Variants in PLK3 observed in about 807,000 individuals in gnomAD.
The protein encoded by PLK3 is polo like kinase 3, also known as serine/threonine-protein kinase PLK3.
In PLK3, 41 loss-of-function variants were observed where a neutral mutation model predicts 71.6. The observed-to-expected ratio is 0.57, with a 90% CI of 0.45 to 0.74. The LOEUF is 0.74. Among genes scored for constraint, PLK3 ranks in the 30% least tolerant of loss-of-function variants. PLK3 has a pLI of 0.00. For missense variants in PLK3, 791 were observed against 875.6 expected, an observed-to-expected ratio of 0.90 and a Z score of 1.22; for synonymous variants, 366 against 355.4, an observed-to-expected ratio of 1.03 and a Z score of -0.33.
rs1232188514 is a variant in PLK3, at chr1:44,804,010, C to G, written c.1244C>G (p.Ala415Gly). Residue 415 changes from alanine to glycine, a missense_variant, in exon 10 of 15, where the codon GCA (alanine) becomes GGA (glycine). Coordinates refer to ENST00000372201, the MANE Select transcript of PLK3 (RefSeq NM_004073.4). ...GACAGCTCACCCCGTGGGACACTGG[C>G]AAGCAGTGGAGATGGTGAGGAGCCA... is the stretch of plus-strand genomic sequence containing the variant. Reference protein sequence around the residue: ...PEDSSPRGTLASSGDGFEEGL... With the variant: ...PEDSSPRGTLGSSGDGFEEGL... The G allele has an allele frequency of 1.9e-6, 3 of 1,553,956 alleles. No individual in the cohort carries two copies. In the African/African-American group the frequency reaches 4.1e-5, roughly 21 times the overall value.
Position 44,800,984 on chromosome 1 carries a change from G to A in PLK3, c.318+37G>A. Reference sequence around the variant, plus strand: ...CTCAGCGGGCGAGGGGTGGGGTGGGGACGGTGGCATGGGAACCATGGAAGG... The same window carrying A: ...CTCAGCGGGCGAGGGGTGGGGTGGGAACGGTGGCATGGGAACCATGGAAGG... On this transcript the variant is annotated intron_variant, in intron 2 of 14. Coordinates refer to ENST00000372201, the MANE Select transcript of PLK3 (RefSeq NM_004073.4). The surrounding 1 kb of genome is among the most constrained non-coding windows in gnomAD (Gnocchi z 6.5). 2 of 1,608,426 alleles carry A rather than the reference G, an allele frequency of 1.2e-6. No homozygotes were observed. The highest frequency in any genetic ancestry group is 1.7e-6 in the Non-Finnish European group (2 of 1,175,302).
chr1:44,803,279 C>G lies in PLK3; in HGVS notation c.960C>G (p.Pro320=). The G allele has an allele frequency of 6.2e-7, 1 of 1,614,104 alleles. No individual in the cohort carries two copies. The highest frequency in any genetic ancestry group is 8.5e-7 in the Non-Finnish European group (1 of 1,179,998). The change falls in exon 8 of 15, where the codon CCC becomes CCG. Residue 320 remains proline, a synonymous_variant. Coordinates refer to ENST00000372201, the MANE Select transcript of PLK3 (RefSeq NM_004073.4). This position sits in a 1 kb window ranked among gnomAD's most constrained non-coding sequence, Gnocchi z 4.3. ...GTTCCCCTCCCTAGGGCTACACCCC[C>G]GATCGACTCCCTATCAGCAGCTGCG... ...RHDFFTKGYT[P]DRLPISSCVT... is the part of the protein sequence containing the mutation.
chr1:44,803,112 C>G lies in PLK3; in HGVS notation c.907C>G (p.Pro303Ala), dbSNP rs750697602. The G allele has an allele frequency of 1.2e-6, 2 of 1,613,948 alleles. No individual in the cohort carries two copies. The highest frequency in any genetic ancestry group is 2.2e-5 in the East Asian group (1 of 44,886). ...AILRASPRDR[P>A]SIDQILRHDF... ...CCTTCGGGCCTCACCCCGAGACCGC[C>G]CCTCTATTGACCAGATCCTGCGCCA... The change falls in exon 7 of 15, where the codon CCC becomes GCC. Residue 303 changes from proline to alanine, a missense_variant. By Grantham distance (27) the Pro-to-Ala change is conservative. Coordinates refer to ENST00000372201, the MANE Select transcript of PLK3 (RefSeq NM_004073.4). This position sits in a 1 kb window ranked among gnomAD's most constrained non-coding sequence, Gnocchi z 4.3.
chr1:44,800,638 G>T lies in PLK3; in HGVS notation c.175G>T (p.Gly59Cys). ...PGRLITDPRS[G>C]RTYLKGRLLG... ...GCGCCTCATCACGGACCCGCGCAGC[G>T]GCCGCACCTACCTCAAAGGCCGCTT... is the stretch of plus-strand genomic sequence containing the variant. Residue 59 changes from glycine to cysteine, a missense_variant, in exon 1 of 15, where the codon GGC (glycine) becomes TGC (cysteine). Transcript: ENST00000372201. The surrounding 1 kb of genome is among the most constrained non-coding windows in gnomAD (Gnocchi z 6.5). The T allele has an allele frequency of 6.5e-7, 1 of 1,544,154 alleles. No homozygotes were observed. The highest frequency in any genetic ancestry group is 1.4e-5 in the African/African-American group (1 of 73,108).
In PLK3 at chr1:44,800,405, G is replaced by T; in HGVS notation, c.-59G>T. ...GCGTAGCAAATCCAGGCAGCGCCACGCGCGGCCGGGGCCGGGCGGAACCGA... is the reference window on the plus strand; with the variant it reads ...GCGTAGCAAATCCAGGCAGCGCCACTCGCGGCCGGGGCCGGGCGGAACCGA... On this transcript the variant is annotated 5_prime_UTR_variant, in exon 1 of 15. Coordinates refer to ENST00000372201, the MANE Select transcript of PLK3 (RefSeq NM_004073.4). This position sits in a 1 kb window ranked among gnomAD's most constrained non-coding sequence, Gnocchi z 6.5. The T allele has an allele frequency of 8.0e-7, 1 of 1,245,748 alleles. No homozygotes were observed. The highest frequency in any genetic ancestry group is 1.0e-6 in the Non-Finnish European group (1 of 996,284). 77.2% of individuals were successfully genotyped at this position (1,245,748 alleles called of 1,614,324 possible). A position where few individuals can be genotyped will look rare whatever the true frequency, so the allele number is the denominator to read the frequency against.
Position 44,800,566 on chromosome 1 carries a change from G to A in PLK3, c.103G>A (p.Gly35Arg), listed in dbSNP as rs1651793195. The part of the protein sequence containing the change: ...GPGPPPSALR[G>R]PELEMLAGLP... The stretch of plus-strand genomic sequence containing the variant: ...CGGGCCGCCTCCGAGTGCCTTGCGC[G>A]GACCTGAGCTGGAGATGCTGGCCGG... The change falls in exon 1 of 15, where the codon GGA becomes AGA. Residue 35 changes from glycine (G) to arginine (R), a missense_variant. Coordinates refer to ENST00000372201, the MANE Select transcript of PLK3 (RefSeq NM_004073.4). The surrounding 1 kb of genome is among the most constrained non-coding windows in gnomAD (Gnocchi z 6.5). 2 of 1,521,710 alleles carry A rather than the reference G, an allele frequency of 1.3e-6. No individual in the cohort carries two copies. Among genetic ancestry groups the A allele is most frequent in the African/African-American group, 2.8e-5 (2 of 70,348 alleles). The allele number at this position is 1,521,710 out of a possible 1,614,324, so 94.3% of individuals were successfully genotyped here.
chr1:44,804,105 G>A, intron 10 of PLK3, 58 bp from the exon 11 acceptor site: 3 of 1,549,604 alleles, frequency 1.9e-6, no homozygotes, highest in Non-Finnish European at 2.7e-6. Flanking sequence ...TGGGCAGAGG[G>A]GCCTGGCCTG....
intron 3 of PLK3, 88 bp from the exon 4 acceptor site, chr1:44,801,534 T>C: frequency 7.1e-7 from 1 of 1,413,806 alleles, no homozygotes; most frequent in Admixed American, 1.9e-5. Context: ...GACCCAAAGC[T>C]GGGGCCCTGT....
At position 44,800,526 on chromosome 1, in the gene PLK3, TC is replaced by T. The variant is rs1323970641; in HGVS notation, c.68del (p.Pro23ArgfsTer86). The T allele has an allele frequency of 2.1e-6, 3 of 1,454,986 alleles. No individual in the cohort carries two copies. Among genetic ancestry groups the T allele is most frequent in the South Asian group, 1.3e-5 (1 of 75,346 alleles). The allele number at this position is 1,454,986 out of a possible 1,614,324, so 90.1% of individuals were successfully genotyped here. On this transcript the variant is annotated frameshift_variant, in exon 1 of 15. Transcript: ENST00000372201. LOFTEE classifies it high-confidence loss of function. This position sits in a 1 kb window ranked among gnomAD's most constrained non-coding sequence, Gnocchi z 6.5. ...PFQRAAAAPA[P>X]PAGPGPPPSA... is the part of the protein sequence containing the mutation. ...TCCAGCGTGCGGCCGCCGCGCCCGC[TC>T]CCCCGGCCGGGCCCGGGCCGCCTCC... is the stretch of plus-strand genomic sequence containing the variant.
At position 44,801,746 on chromosome 1, in the gene PLK3, A is replaced by G. The variant is rs1398848844; in HGVS notation, c.560A>G (p.Lys187Arg). 7.4e-7 allele frequency: 1 copy of G among 1,359,880 alleles called. No homozygotes were observed. The allele number at this position is 1,359,880 out of a possible 1,614,324, so 84.2% of individuals were successfully genotyped here. The change falls in exon 4 of 15, where the codon AAG (lysine) becomes AGG (arginine). Residue 187 changes from lysine (K) to arginine (R), a missense_variant. Lys to Arg is a conservative substitution (Grantham distance 26). Transcript: ENST00000372201. ...CGCGGCATCTTGCACCGGGACCTCAAGTTGGGTGAGACTCCTGAGCCTGGA... is the reference window on the plus strand; with the variant it reads ...CGCGGCATCTTGCACCGGGACCTCAGGTTGGGTGAGACTCCTGAGCCTGGA... ...HQRGILHRDL[K>R]LGNFFITENM...
intron 10 of PLK3, 63 bp from the exon 11 acceptor site, chr1:44,804,100 A>C: frequency 6.5e-7 from 1 of 1,546,670 alleles, no homozygotes; most frequent in South Asian, 1.1e-5. Flanking sequence ...AGGAGTGGGC[A>C]GAGGGGCCTG....
At chr1:44,801,993 A>G (rs1273233249) in intron 5 of PLK3, 61 bp downstream of exon 5, 2 of 1,289,808 alleles carry the variant, frequency 1.6e-6, no homozygotes, top group East Asian at 2.3e-5. Flanking sequence ...TAGACAGTGC[A>G]TATGTATGTG....
rs376386776 is a variant in PLK3 at position 44,804,490 on chromosome 1, G to C, written c.1494G>C (p.Ser498=). The change falls in exon 12 of 15, where the codon TCG becomes TCC. Residue 498 remains serine, a synonymous_variant. Transcript: ENST00000372201. ...ACGATGGCACACATATGGCCCTGTC[G>C]GCCAACAGAAAGTAAGTGCTGTTAT... ...LFNDGTHMAL[S]ANRKTVHYNP... The C allele has an allele frequency of 6.2e-7, 1 of 1,613,994 alleles. No individual in the cohort carries two copies. The highest frequency in any genetic ancestry group is 1.3e-5 in the African/African-American group (1 of 74,924).
In PLK3 at chr1:44,805,333, A is replaced by T. The variant is rs767055853; in HGVS notation, c.1703A>T (p.Lys568Met). The T allele has an allele frequency of 6.2e-7, 1 of 1,614,086 alleles. No individual in the cohort carries two copies. The highest frequency in any genetic ancestry group is 1.1e-5 in the South Asian group (1 of 91,082). ...CCGCCCTTGCTGCTGCAGTGGGTCA[A>T]GACGGATCAGGCTCTCCTCATGCTG... is the stretch of plus-strand genomic sequence containing the variant. ...PAPPLLLQWV[K>M]TDQALLMLFS... Residue 568 changes from lysine (K) to methionine (M), a missense_variant, in exon 14 of 15, where the codon AAG (lysine) becomes ATG (methionine). Transcript: ENST00000372201.
intron 5 of PLK3, among the ~76,000 whole-genome samples, chr1:44,802,281 G>A (rs1457452858): frequency 6.6e-6 from 1 of 152,128 alleles, no homozygotes; most frequent in Non-Finnish European, 1.5e-5. Context: ...GACTGAGAGT[G>A]TGGAAATGGT....
chr1:44,802,013 G>A, intron 5 of PLK3, 81 bp downstream of exon 5: 1 of 1,025,778 alleles, frequency 9.7e-7, no homozygotes, highest in African/African-American at 1.6e-5. Flanking sequence ...GGGAGGCAAG[G>A]TGACTGCCTG....
At position 44,803,114 on chromosome 1, in the gene PLK3, C is replaced by G; in HGVS notation, c.909C>G (p.Pro303=). 6.2e-7 allele frequency: 1 copy of G among 1,613,966 alleles called. No homozygotes were observed. The stretch of plus-strand genomic sequence containing the variant: ...TTCGGGCCTCACCCCGAGACCGCCC[C>G]TCTATTGACCAGATCCTGCGCCATG... ...AILRASPRDR[P]SIDQILRHDF... is the part of the protein sequence containing the mutation. Residue 303 remains proline, a synonymous_variant, in exon 7 of 15, where the codon CCC becomes CCG. Coordinates refer to ENST00000372201, the MANE Select transcript of PLK3 (RefSeq NM_004073.4). This position sits in a 1 kb window ranked among gnomAD's most constrained non-coding sequence, Gnocchi z 4.3.
Position 44,803,657 on chromosome 1 carries a change from G to T in PLK3, c.1130G>T (p.Arg377Leu). The part of the protein sequence containing the change: ...EVSGLVSGLM[R>L]TSVGHQDARP... ...TCCGGTTTGGTGAGCGGCCTCATGC[G>T]CACATCCGTTGGCCATCAGGATGCC... The change falls in exon 9 of 15, where the codon CGC (arginine) becomes CTC (leucine). Residue 377 changes from arginine (R) to leucine (L), a missense_variant. Coordinates refer to ENST00000372201, the MANE Select transcript of PLK3 (RefSeq NM_004073.4). This position sits in a 1 kb window ranked among gnomAD's most constrained non-coding sequence, Gnocchi z 4.3. 6.2e-7 allele frequency: 1 copy of T among 1,613,680 alleles called. No homozygotes were observed. Among genetic ancestry groups the T allele is most frequent in the Non-Finnish European group, 8.5e-7 (1 of 1,179,746 alleles).
intron 5 of PLK3, 31 bp downstream of exon 5, chr1:44,801,963 G>C (rs1197488966): frequency 6.6e-7 from 1 of 1,517,458 alleles, no homozygotes; most frequent in East Asian, 2.3e-5. Context: ...CCCTGTGTGT[G>C]ATACAGATGA....
Sources: allele counts gnomAD v4.1 joint callset (sites outside exome capture counted in the v4.1 genomes callset), GRCh38; gene constraint gnomAD v4.1.1; non-coding constraint Gnocchi (gnomAD v3.1); transcripts MANE v1.5; gene names NCBI Gene and HGNC (gene_info 2026-07-23, HGNC 2026-07-21).